DMRT1: variants seen among roughly 807,000 people sequenced by gnomAD.
DMRT1 encodes the protein doublesex- and mab-3-related transcription factor 1.
Under a neutral mutation model 32.3 loss-of-function variants are expected in DMRT1, and 7 were observed. The observed-to-expected ratio is 0.22, with a 90% CI of 0.12 to 0.41. DMRT1 has a LOEUF of 0.41. Ranked by LOEUF, DMRT1 falls within the 10% of genes least tolerant of loss-of-function variation. The pLI is 1.00. For missense variants in DMRT1, 625 were observed against 500.5 expected, an observed-to-expected ratio of 1.25 and a Z score of -2.37; for synonymous variants, 278 against 206.1, an observed-to-expected ratio of 1.35 and a Z score of -2.99.
At chr9:856,376 A>G (rs1815401534) in intron 2 of DMRT1, among the ~76,000 whole-genome samples, 1 of 152,164 alleles carries the variant, frequency 6.6e-6, no homozygotes, top group Non-Finnish European at 1.5e-5. Context: ...GTTTTGGAAC[A>G]TTTCAGTCAC....
chr9:879,795 G>A (rs186499395), intron 2 of DMRT1, among the ~76,000 whole-genome samples: 1 of 152,268 alleles, frequency 6.6e-6, no homozygotes, highest in African/African-American at 2.4e-5. Flanking sequence ...TACTTTGGAT[G>A]GCTCTTTCAT....
chr9:898,278 C>G (rs572500161), intron 3 of DMRT1, among the ~76,000 whole-genome samples: 98 of 152,248 alleles, frequency 6.4e-4, no homozygotes, highest in African/African-American at 2.2e-3. Context: ...TGCCACCACG[C>G]CCGGCTAATT....
At chr9:910,976 A>G (rs1162613383) in intron 3 of DMRT1, among the ~76,000 whole-genome samples, 1 of 152,180 alleles carries the variant, frequency 6.6e-6, no homozygotes, top group African/African-American at 2.4e-5. Context: ...TCCCTTTAGG[A>G]AAACTGAGTG....
chr9:846,765 C>G lies in DMRT1; in HGVS notation c.355-195C>G, dbSNP rs113067045. ...CTGGCAACAAGCATTTTTTGAGCACCTACTGTCTGGCTCAAAACTGTTTCT... is the reference window on the plus strand; with the variant it reads ...CTGGCAACAAGCATTTTTTGAGCACGTACTGTCTGGCTCAAAACTGTTTCT... On this transcript the variant is annotated intron_variant, in intron 1 of 4. Transcript: ENST00000382276. Among the ~76,000 whole-genome samples, 230 of 152,262 alleles carry G rather than the reference C, an allele frequency of 1.5e-3. 1 individual carries two copies. The highest frequency in any genetic ancestry group is 5.2e-3 in the African/African-American group (218 of 41,544).
rs1396479217 is a variant in DMRT1, at chr9:968,287, T to G, written c.*148T>G. On this transcript the variant is annotated 3_prime_UTR_variant, in exon 5 of 5. Coordinates refer to ENST00000382276, the MANE Select transcript of DMRT1 (RefSeq NM_021951.3). The stretch of plus-strand genomic sequence containing the variant: ...ATTCCTTAGAGTTTAGTCCAGAGGC[T>G]GTAACACATTTGTAATACTTTAGGG... The G allele has an allele frequency of 1.1e-6, 1 of 920,370 alleles. No individual in the cohort carries two copies. Among genetic ancestry groups the G allele is most frequent in the African/African-American group, 1.7e-5 (1 of 60,534 alleles). 57.0% of individuals were successfully genotyped at this position (920,370 alleles called of 1,614,324 possible). A position where few individuals can be genotyped will look rare whatever the true frequency, so the allele number is the denominator to read the frequency against.
At chr9:921,937 G>C (rs1339016254) in intron 4 of DMRT1, among the ~76,000 whole-genome samples, 1 of 152,194 alleles carries the variant, frequency 6.6e-6, no homozygotes, top group Non-Finnish European at 1.5e-5. Context: ...CAGGCATGCA[G>C]GGGTGCAATC....
At chr9:932,400 A>G (rs1818754798) in intron 4 of DMRT1, among the ~76,000 whole-genome samples, 1 of 152,326 alleles carries the variant, frequency 6.6e-6, no homozygotes. Context: ...AGCCAATGCA[A>G]TGGTAACTTC....
intron 3 of DMRT1, among the ~76,000 whole-genome samples, chr9:909,483 T>C (rs539902783): frequency 6.6e-6 from 1 of 152,262 alleles, no homozygotes; most frequent in Admixed American, 6.5e-5. Context: ...GCATCCCATT[T>C]AGATGGTTCG....
intron 2 of DMRT1, among the ~76,000 whole-genome samples, chr9:848,411 G>A (rs1300684027): frequency 6.6e-6 from 1 of 152,104 alleles, no homozygotes; most frequent in Non-Finnish European, 1.5e-5. Context: ...AGGAAGGTGT[G>A]TCTGTCTGTG....
chr9:911,717 C>T (rs534127390), intron 3 of DMRT1, among the ~76,000 whole-genome samples: 478 of 152,094 alleles, frequency 3.1e-3, no homozygotes, highest in Non-Finnish European at 5.4e-3. Context: ...GTCTTGAACT[C>T]CTGACCTCAG....
At position 870,709 on chromosome 9, in the gene DMRT1, CTTTTTTTTT is replaced by C. The variant is rs58893896; in HGVS notation, c.539-23191_539-23183del. On this transcript the variant is annotated intron_variant, in intron 2 of 4. Coordinates refer to ENST00000382276, the MANE Select transcript of DMRT1 (RefSeq NM_021951.3). ...GTTCCCATATTTCTCATTTTCTTGA[CTTTTTTTTT>C]TTTTTTTTTTTGAGACAGGGTCTTA... Among the ~76,000 whole-genome samples the C allele has an allele frequency of 5.8e-5, 4 of 69,560 alleles. 1 individual carries two copies. 45.6% of individuals were successfully genotyped at this position (69,560 alleles called of 152,430 possible). A position where few individuals can be genotyped will look rare whatever the true frequency, so the allele number is the denominator to read the frequency against.
intron 3 of DMRT1, among the ~76,000 whole-genome samples, chr9:907,778 GTTCTA>G (rs1052820055): frequency 1.3e-5 from 2 of 151,498 alleles, no homozygotes; most frequent in African/African-American, 4.9e-5. Context: ...ATTCTGTTCT[GTTCTA>G]TTCTATTGCA....
intron 3 of DMRT1, among the ~76,000 whole-genome samples, chr9:895,949 C>A (rs1022048919): frequency 1.3e-5 from 2 of 151,750 alleles, no homozygotes; most frequent in Non-Finnish European, 2.9e-5. Context: ...GGACTACAGG[C>A]ACGCGCCACC....
intron 2 of DMRT1, among the ~76,000 whole-genome samples, chr9:876,343 T>C (rs1816498634): frequency 1.3e-5 from 2 of 152,076 alleles, no homozygotes; most frequent in Admixed American, 6.5e-5. Flanking sequence ...AAATCATGAC[T>C]CTCAGCCACT....
chr9:915,457 G>T (rs1477080284), intron 3 of DMRT1, among the ~76,000 whole-genome samples: 1 of 151,384 alleles, frequency 6.6e-6, no homozygotes, highest in Non-Finnish European at 1.5e-5. Context: ...GCAGGGTCTG[G>T]TTGCCGGAAA....
At chr9:942,449 A>G (rs279907) in intron 4 of DMRT1, among the ~76,000 whole-genome samples, 1 of 152,120 alleles carries the variant, frequency 6.6e-6, no homozygotes, top group Non-Finnish European at 1.5e-5. Flanking sequence ...AATTTTTAAT[A>G]TTTTGTAGCG....
intron 4 of DMRT1, among the ~76,000 whole-genome samples, chr9:918,830 C>G (rs1173334468): frequency 1.3e-5 from 2 of 152,188 alleles, no homozygotes; most frequent in African/African-American, 4.8e-5. Context: ...GGCTTAATGC[C>G]TTCCAAATGT....
intron 2 of DMRT1, among the ~76,000 whole-genome samples, chr9:856,608 G>T (rs1043209668): frequency 6.6e-6 from 1 of 152,140 alleles, no homozygotes; most frequent in South Asian, 2.1e-4. Context: ...TCATCATATG[G>T]ATATATACCA....
chr9:852,244 C>A (rs1286160931), intron 2 of DMRT1, among the ~76,000 whole-genome samples: 1 of 150,970 alleles, frequency 6.6e-6, no homozygotes, highest in East Asian at 1.9e-4. Context: ...GCCGCAGGTA[C>A]ACTATTGATA....
Sources: allele counts gnomAD v4.1 joint callset (sites outside exome capture counted in the v4.1 genomes callset), GRCh38; gene constraint gnomAD v4.1.1; transcripts MANE v1.5; gene names NCBI Gene and HGNC (gene_info 2026-07-23, HGNC 2026-07-21).